The following NCOA2 variants were observed in gnomAD, a reference collection of about 807,000 sequenced individuals.
NCOA2 encodes the protein nuclear receptor coactivator 2, also known as class E basic helix-loop-helix protein 75.
NCOA2 carries 21 observed loss-of-function variants against 145.1 expected under a neutral mutation model. The observed-to-expected ratio is 0.14, with a 90% CI of 0.10 to 0.21. The LOEUF (loss-of-function observed/expected upper bound fraction) is 0.21. Ranked by LOEUF, NCOA2 falls within the 10% of genes least tolerant of loss-of-function variation. NCOA2 has a pLI of 1.00. For missense variants in NCOA2, 1,472 were observed against 1,837.6 expected, an observed-to-expected ratio of 0.80 and a Z score of 3.64; for synonymous variants, 619 against 637.5, an observed-to-expected ratio of 0.97 and a Z score of 0.44.
intron 2 of NCOA2, among the ~76,000 whole-genome samples, chr8:70,231,669 C>T (rs1821143270): frequency 6.6e-6 from 1 of 152,210 alleles, no homozygotes; most frequent in South Asian, 2.1e-4. Context: ...GTTCTCCTGA[C>T]AGGCCACCAC....
intron 12 of NCOA2, among the ~76,000 whole-genome samples, chr8:70,145,595 A>G (rs1160709694): frequency 4.0e-5 from 6 of 150,932 alleles, no homozygotes; most frequent in Non-Finnish European, 5.9e-5. Context: ...TGCTGGGATT[A>G]CAGGCCTGAG....
intron 1 of NCOA2, among the ~76,000 whole-genome samples, chr8:70,329,752 G>T (rs187640819): frequency 6.6e-6 from 1 of 152,200 alleles, no homozygotes; most frequent in East Asian, 1.9e-4. Flanking sequence ...AAGCACTAAC[G>T]CTATATACTA....
At chr8:70,162,284 A>G (rs1180724960) in intron 9 of NCOA2, among the ~76,000 whole-genome samples, 1 of 152,206 alleles carries the variant, frequency 6.6e-6, no homozygotes, top group African/African-American at 2.4e-5. Context: ...ACACCTGGAT[A>G]GTCTTTGTTG....
the NCOA2 span, among the ~76,000 whole-genome samples, chr8:70,430,083 G>C: frequency 6.6e-6 from 1 of 152,060 alleles, no homozygotes; most frequent in Non-Finnish European, 1.5e-5. Context: ...GAACTCTTGG[G>C]CTCGAGTGAT....
the NCOA2 span, among the ~76,000 whole-genome samples, chr8:70,429,316 C>T: frequency 7.2e-4 from 109 of 152,316 alleles, no homozygotes; most frequent in Middle Eastern, 3.4e-3. Context: ...GTTGTGGAGG[C>T]TGAAAGCATC....
At chr8:70,215,684 A>G (rs770997255) in intron 3 of NCOA2, among the ~76,000 whole-genome samples, 1 of 152,088 alleles carries the variant, frequency 6.6e-6, no homozygotes, top group Non-Finnish European at 1.5e-5. Context: ...GTTTTTATTT[A>G]ATTCTTAAAA....
At chr8:70,433,031 T>A in the NCOA2 span, among the ~76,000 whole-genome samples, 1 of 152,180 alleles carries the variant, frequency 6.6e-6, no homozygotes, top group Non-Finnish European at 1.5e-5. Context: ...TTTTTACATA[T>A]CTGTCTTTTG....
rs115900183 is a variant in NCOA2 at position 70,357,834 on chromosome 8, C to G, written c.-77+45866G>C. Among the ~76,000 whole-genome samples the G allele has an allele frequency of 5.9e-3, 900 of 152,010 alleles. 6 individuals carry two copies. Among genetic ancestry groups the G allele is most frequent in the African/African-American group, 0.02 (841 of 41,462 alleles). On this transcript the variant is annotated intron_variant, in intron 1 of 22. Transcript: ENST00000452400. Reference sequence around the variant, plus strand: ...GGGAGGCCAAGGCGAGTGGATCACCCGAAGTCAGGAGTTCAATACCAGCCT... The same window carrying G: ...GGGAGGCCAAGGCGAGTGGATCACCGGAAGTCAGGAGTTCAATACCAGCCT...
chr8:70,214,053 G>A lies in NCOA2; in HGVS notation c.109C>T (p.Arg37Cys). 1 of 1,604,794 alleles carries A rather than the reference G, an allele frequency of 6.2e-7. No homozygotes were observed. Among genetic ancestry groups the A allele is most frequent in the Non-Finnish European group, 8.5e-7 (1 of 1,177,940 alleles). Residue 37 changes from arginine (R) to cysteine (C), a missense_variant, in exon 4 of 23, where the codon CGT becomes TGT. This residue lies in a region of NCOA2 where 284 missense variants were observed against 467.8 expected (regional missense o/e 0.61). Coordinates refer to ENST00000452400, the MANE Select transcript of NCOA2 (RefSeq NM_006540.4). ...GPSPKRNTEKRNREQENKYIE... is the reference protein window; with the variant it reads ...GPSPKRNTEKCNREQENKYIE... ...TATTTATTTTCCTGTTCACGATTAC[G>A]TTTTTCAGTGTTCCTTTTGGGGCTT...
At chr8:70,180,998 T>TA (rs1036827441) in intron 4 of NCOA2, among the ~76,000 whole-genome samples, 21 of 152,208 alleles carry the variant, frequency 1.4e-4, no homozygotes, top group Non-Finnish European at 8.8e-5. Flanking sequence ...AGTGATGTTT[T>TA]AAAAAAAGGC....
At chr8:70,312,459 C>T (rs957850953) in intron 1 of NCOA2, among the ~76,000 whole-genome samples, 1 of 152,126 alleles carries the variant, frequency 6.6e-6, no homozygotes, top group South Asian at 2.1e-4. Flanking sequence ...TAATAATGCA[C>T]ATAAGGTCTT....
At chr8:70,322,059 T>C (rs564732803) in intron 1 of NCOA2, among the ~76,000 whole-genome samples, 1 of 152,026 alleles carries the variant, frequency 6.6e-6, no homozygotes, top group South Asian at 2.1e-4. Flanking sequence ...GAGGTTGCAG[T>C]GAGCCAAAAT....
chr8:70,410,423 A>G, the NCOA2 span, among the ~76,000 whole-genome samples: 8 of 152,138 alleles, frequency 5.3e-5, no homozygotes, highest in Non-Finnish European at 1.2e-4. Context: ...TAGAACATTA[A>G]TAATATAGAA....
intron 2 of NCOA2, among the ~76,000 whole-genome samples, chr8:70,282,713 G>A (rs1825975418): frequency 6.7e-6 from 1 of 150,182 alleles, no homozygotes; most frequent in Non-Finnish European, 1.5e-5. Flanking sequence ...AAGTAGCCAG[G>A]CTCCTGGACT....
At chr8:70,435,463 C>T in the NCOA2 span, among the ~76,000 whole-genome samples, 1 of 125,576 alleles carries the variant, frequency 8.0e-6, no homozygotes, top group Non-Finnish European at 1.6e-5. Flanking sequence ...AGAATACACA[C>T]TCTGGAGAGT....
the NCOA2 span, among the ~76,000 whole-genome samples, chr8:70,441,529 A>G: frequency 6.6e-6 from 1 of 151,002 alleles, no homozygotes; most frequent in Non-Finnish European, 1.5e-5. Context: ...AAAAGAGAAG[A>G]AAGGAAAGAA....
Position 70,363,654 on chromosome 8 carries a change from T to C in NCOA2, c.-77+40046A>G, listed in dbSNP as rs967773682. ...CACCCAACAGCCAGACTCAAAAGACTGTAGGATTGTTATTTCATGACATTT... is the reference window on the plus strand; with the variant it reads ...CACCCAACAGCCAGACTCAAAAGACCGTAGGATTGTTATTTCATGACATTT... On this transcript the variant is annotated intron_variant, in intron 1 of 22. Transcript: ENST00000452400. Among the ~76,000 whole-genome samples, 7 of 152,138 alleles carry C rather than the reference T, an allele frequency of 4.6e-5. No individual in the cohort carries two copies. In the South Asian group the frequency reaches 1.5e-3, roughly 32 times the overall value.
intron 1 of NCOA2, among the ~76,000 whole-genome samples, chr8:70,344,923 C>G (rs755419459): frequency 2.0e-5 from 3 of 152,212 alleles, no homozygotes; most frequent in Non-Finnish European, 1.5e-5. Context: ...TTAACATACT[C>G]TCTTCAAGTG....
chr8:70,433,341 A>G, the NCOA2 span, among the ~76,000 whole-genome samples: 1 of 148,396 alleles, frequency 6.7e-6, no homozygotes, highest in African/African-American at 2.5e-5. Context: ...AGAGAAGTAC[A>G]CTAAAAAAAA....
Sources: allele counts gnomAD v4.1 joint callset (sites outside exome capture counted in the v4.1 genomes callset), GRCh38; gene constraint gnomAD v4.1.1; regional missense constraint gnomAD v4.1.1; transcripts MANE v1.5; gene names NCBI Gene and HGNC (gene_info 2026-07-23, HGNC 2026-07-21).